FBXL17: variants seen among roughly 807,000 people sequenced by gnomAD.
FBXL17 encodes F-box/LRR-repeat protein 17.
A neutral mutation model predicts 66.2 loss-of-function variants in FBXL17; 22 were observed. The ratio of observed to expected loss-of-function variants is 0.33; its 90% CI spans 0.24 to 0.47. The LOEUF is 0.47. Among genes scored for constraint, FBXL17 ranks in the 20% least tolerant of loss-of-function variants. The pLI is 1.00. For synonymous variants in FBXL17, 474 were observed against 400.5 expected (o/e 1.18, Z -2.19); for missense variants, 878 against 948.2 (o/e 0.93, Z 0.97).
At chr5:108,263,019 T>A (rs994015064) in intron 4 of FBXL17, among the ~76,000 whole-genome samples, 1 of 152,206 alleles carries the variant, frequency 6.6e-6, no homozygotes, top group South Asian at 2.1e-4. Context: ...TTAATTCAAA[T>A]AAATTTTCAG....
intron 6 of FBXL17, among the ~76,000 whole-genome samples, chr5:108,178,216 T>A (rs895336950): frequency 2.0e-5 from 3 of 152,092 alleles, no homozygotes; most frequent in Non-Finnish European, 2.9e-5. Context: ...GGCTATTTTT[T>A]AAAAATTTTT....
At chr5:107,896,416 C>T (rs1749383093) in intron 7 of FBXL17, among the ~76,000 whole-genome samples, 1 of 151,876 alleles carries the variant, frequency 6.6e-6, no homozygotes, top group African/African-American at 2.4e-5. Context: ...ATTATTATGA[C>T]TGTGCAAATA....
At chr5:108,258,174 G>T (rs1561491838) in intron 4 of FBXL17, among the ~76,000 whole-genome samples, 2 of 152,252 alleles carry the variant, frequency 1.3e-5, no homozygotes, top group African/African-American at 4.8e-5. Context: ...TAATGGTGGG[G>T]CCATGATTCA....
intron 7 of FBXL17, among the ~76,000 whole-genome samples, chr5:108,018,062 A>G (rs1754450625): frequency 6.6e-6 from 1 of 152,082 alleles, no homozygotes; most frequent in African/African-American, 2.4e-5. Flanking sequence ...AAAATAAAAA[A>G]TCTCAGTATA....
At chr5:108,169,321 A>T (rs1312986490) in intron 6 of FBXL17, among the ~76,000 whole-genome samples, 1 of 152,254 alleles carries the variant, frequency 6.6e-6, no homozygotes, top group Non-Finnish European at 1.5e-5. Context: ...TAACATCCAA[A>T]ATATTAACTC....
chr5:108,037,038 C>T (rs1473643508), intron 6 of FBXL17, among the ~76,000 whole-genome samples: 1 of 151,786 alleles, frequency 6.6e-6, no homozygotes, highest in East Asian at 1.9e-4. Context: ...TATGTAGATC[C>T]CTAGGGTTTA....
At chr5:108,203,754 C>T (rs2966827) in intron 5 of FBXL17, among the ~76,000 whole-genome samples, 113,883 of 152,040 alleles carry the variant, frequency 0.75, 43,031 homozygotes, top group East Asian at 0.93. Context: ...CTAAACCAAT[C>T]GATTGTTTGA....
At chr5:108,347,062 T>C (rs1207893602) in intron 4 of FBXL17, among the ~76,000 whole-genome samples, 2 of 152,300 alleles carry the variant, frequency 1.3e-5, no homozygotes, top group East Asian at 1.9e-4. Context: ...AATACAGACA[T>C]GCATTGCTTA....
In FBXL17 at chr5:107,980,645, A is replaced by ATATATATATATATATAT. The variant is rs1554054251; in HGVS notation, c.1822+40279_1822+40280insATATATATATATATATA. Among the ~76,000 whole-genome samples the ATATATATATATATATAT allele has an allele frequency of 5.0e-5, 4 of 79,226 alleles. 1 individual carries two copies. Among genetic ancestry groups the ATATATATATATATATAT allele is most frequent in the African/African-American group, 1.5e-4 (2 of 13,428 alleles). The allele number at this position is 79,226 out of a possible 152,430, so 52.0% of individuals were successfully genotyped here. ...AGCCACCATGACTGGCCAATAAAAT[A>ATATATATATATATATAT]ATATATATATATATATATATTTTTT... On this transcript the variant is annotated intron_variant, in intron 7 of 8. Coordinates refer to ENST00000542267, the MANE Select transcript of FBXL17 (RefSeq NM_001163315.3).
chr5:107,966,125 G>T (rs565090263), intron 7 of FBXL17, among the ~76,000 whole-genome samples: 1 of 152,198 alleles, frequency 6.6e-6, no homozygotes, highest in Admixed American at 6.6e-5. Context: ...TGAAAACTTT[G>T]GGGTATTTGC....
intron 4 of FBXL17, among the ~76,000 whole-genome samples, chr5:108,278,096 T>C (rs1021496173): frequency 6.6e-6 from 1 of 152,092 alleles, no homozygotes; most frequent in Non-Finnish European, 1.5e-5. Context: ...CAGCCAGGAA[T>C]TGGGAGTTAT....
intron 7 of FBXL17, among the ~76,000 whole-genome samples, chr5:107,998,012 A>G (rs1237450065): frequency 6.6e-6 from 1 of 152,228 alleles, no homozygotes; most frequent in Non-Finnish European, 1.5e-5. Context: ...ACACATGGCT[A>G]CTGAGCACGG....
At chr5:108,167,362 T>G (rs901961895) in intron 6 of FBXL17, among the ~76,000 whole-genome samples, 1 of 152,222 alleles carries the variant, frequency 6.6e-6, no homozygotes, top group Non-Finnish European at 1.5e-5. Context: ...TAATGATTCA[T>G]GCTCAAGGTG....
intron 6 of FBXL17, among the ~76,000 whole-genome samples, chr5:108,055,338 G>A (rs1010392192): frequency 7.2e-6 from 1 of 139,136 alleles, no homozygotes; most frequent in African/African-American, 2.7e-5. Context: ...GCCGGGCACG[G>A]TGGCTCATGC....
intron 6 of FBXL17, among the ~76,000 whole-genome samples, chr5:108,071,848 C>T (rs1354699334): frequency 6.6e-6 from 1 of 151,988 alleles, no homozygotes; most frequent in Non-Finnish European, 1.5e-5. Flanking sequence ...AGTACAACTC[C>T]AACAAAATTA....
At chr5:108,099,369 A>G (rs1401505064) in intron 6 of FBXL17, among the ~76,000 whole-genome samples, 2 of 152,208 alleles carry the variant, frequency 1.3e-5, no homozygotes, top group Non-Finnish European at 2.9e-5. Context: ...CAAAAAGAGA[A>G]AAGCAAACAA....
chr5:108,370,304 T>C (rs1748943913), intron 1 of FBXL17, among the ~76,000 whole-genome samples: 1 of 152,224 alleles, frequency 6.6e-6, no homozygotes, highest in South Asian at 2.1e-4. Context: ...AATTATTACC[T>C]AAAATGACTT....
intron 5 of FBXL17, among the ~76,000 whole-genome samples, chr5:108,216,785 A>G (rs532595875): frequency 1.3e-5 from 2 of 152,282 alleles, no homozygotes; most frequent in African/African-American, 4.8e-5. Context: ...GCAGGTACCA[A>G]TAAGGGAACT....
intron 3 of FBXL17, among the ~76,000 whole-genome samples, chr5:108,359,929 C>T (rs943975213): frequency 6.6e-6 from 1 of 152,122 alleles, no homozygotes; most frequent in Non-Finnish European, 1.5e-5. Context: ...CTATTCCTCT[C>T]TCCAAGTCTT....
Sources: gnomAD v4.1 joint callset for allele counts (sites outside exome capture counted in the v4.1 genomes callset) on GRCh38, gnomAD v4.1.1 for gene constraint, MANE v1.5 for transcripts, NCBI Gene and HGNC (gene_info 2026-07-23, HGNC 2026-07-21) for gene names.